DLC1: variants seen among roughly 807,000 people sequenced by gnomAD.
DLC1 encodes rho GTPase-activating protein 7.
Under a neutral mutation model 140.3 loss-of-function variants are expected in DLC1, and 54 were observed. The ratio of observed to expected loss-of-function variants is 0.38; its 90% CI spans 0.31 to 0.48. The LOEUF is 0.48. Among genes scored for constraint, DLC1 ranks in the 20% least tolerant of loss-of-function variants. DLC1 has a pLI of 0.96. For missense variants in DLC1, 2,536 were observed against 1,907.0 expected (o/e 1.33, Z -6.14); for synonymous variants, 986 against 728.1 (o/e 1.35, Z -5.70).
chr8:13,221,793 A>G (rs572944167), intron 5 of DLC1, among the ~76,000 whole-genome samples: 19 of 145,078 alleles, frequency 1.3e-4, no homozygotes, highest in African/African-American at 4.5e-4. Context: ...AAACACATCA[A>G]TATATTAATA....
chr8:13,295,938 C>CTTTTTTTTTTTTTTTTTTT (rs34697767), intron 5 of DLC1, among the ~76,000 whole-genome samples: 2 of 53,342 alleles, frequency 3.7e-5, no homozygotes, highest in Non-Finnish European at 3.7e-5. Flanking sequence ...AGATAAGATT[C>CTTTTTTTTTTTTTTTTTTT]TTTGTTTTTT....
intron 5 of DLC1, among the ~76,000 whole-genome samples, chr8:13,129,670 C>G (rs1364147581): frequency 6.6e-6 from 1 of 152,164 alleles, no homozygotes; most frequent in Non-Finnish European, 1.5e-5. Flanking sequence ...TCACCTTTCT[C>G]CCCAGGTCTG....
At chr8:13,325,567 G>GTTC (rs1563254712) in intron 4 of DLC1, among the ~76,000 whole-genome samples, 2 of 152,166 alleles carry the variant, frequency 1.3e-5, no homozygotes, top group African/African-American at 4.8e-5. Flanking sequence ...TCCTAAGGCA[G>GTTC]AGACATAAAC....
intron 4 of DLC1, among the ~76,000 whole-genome samples, chr8:13,382,050 T>A (rs1027499632): frequency 2.6e-5 from 4 of 152,044 alleles, no homozygotes; most frequent in Admixed American, 1.3e-4. Context: ...GAAAGTGTTA[T>A]TAGAAAAAGG....
In DLC1 at chr8:13,496,652, G is replaced by T. The variant is rs971060911; in HGVS notation, c.1023+2397C>A. On this transcript the variant is annotated intron_variant, in intron 2 of 17. Coordinates refer to ENST00000276297, the MANE Select transcript of DLC1 (RefSeq NM_182643.3). ...TTTGGCTGTCTATACATATTGGTCT[G>T]CTACTGTTGTTTTTCAGTACTATAT... Among the ~76,000 whole-genome samples, 4 of 151,788 alleles carry T rather than the reference G, an allele frequency of 2.6e-5. No individual in the cohort carries two copies. In the South Asian group the frequency reaches 8.3e-4, roughly 32 times the overall value.
chr8:13,246,826 T>A (rs973797375), intron 5 of DLC1, among the ~76,000 whole-genome samples: 1 of 152,118 alleles, frequency 6.6e-6, no homozygotes, highest in Non-Finnish European at 1.5e-5. Context: ...GAGACATATT[T>A]CTAATATTTG....
intron 1 of DLC1, among the ~76,000 whole-genome samples, chr8:13,533,052 G>A (rs1803153915): frequency 1.3e-5 from 2 of 152,176 alleles, no homozygotes; most frequent in African/African-American, 4.8e-5. Flanking sequence ...TAAAATGGGA[G>A]TATTATTAGT....
intron 4 of DLC1, among the ~76,000 whole-genome samples, chr8:13,327,440 C>T (rs1159397723): frequency 6.7e-6 from 1 of 148,192 alleles, no homozygotes; most frequent in Non-Finnish European, 1.5e-5. Context: ...AAGCATAAAA[C>T]ATATTTTATT....
chr8:13,259,801 T>G (rs943718712), intron 5 of DLC1, among the ~76,000 whole-genome samples: 3 of 152,164 alleles, frequency 2.0e-5, no homozygotes, highest in African/African-American at 7.2e-5. Flanking sequence ...GATGGGTTTT[T>G]TTTTTTCTGT....
intron 1 of DLC1, among the ~76,000 whole-genome samples, chr8:13,595,102 G>T (rs1402496856): frequency 6.6e-6 from 1 of 151,848 alleles, no homozygotes; most frequent in Admixed American, 6.6e-5. Context: ...AATGACCAAT[G>T]ATCACTTGTG....
chr8:13,333,620 C>T (rs1833694219), intron 4 of DLC1, among the ~76,000 whole-genome samples: 1 of 152,190 alleles, frequency 6.6e-6, no homozygotes, highest in South Asian at 2.1e-4. Flanking sequence ...AATGGCTCTC[C>T]TGCTTGTAAC....
chr8:13,552,011 A>ATGTGTGTGTATATATATATG (rs1239494863), intron 1 of DLC1, among the ~76,000 whole-genome samples: 9 of 141,270 alleles, frequency 6.4e-5, no homozygotes, highest in African/African-American at 1.8e-4. Flanking sequence ...GTGCATATAT[A>ATGTGTGTGTATATATATATG]TGTGTGTGTA....
chr8:13,434,910 G>C (rs928755195), intron 2 of DLC1, among the ~76,000 whole-genome samples: 3 of 152,024 alleles, frequency 2.0e-5, no homozygotes, highest in African/African-American at 7.2e-5. Flanking sequence ...GAACTCCTGA[G>C]CTCAAGCGAT....
At chr8:13,175,401 T>C (rs918536900) in intron 5 of DLC1, among the ~76,000 whole-genome samples, 1 of 151,260 alleles carries the variant, frequency 6.6e-6, no homozygotes, top group Non-Finnish European at 1.5e-5. Flanking sequence ...TTGTGAAAAA[T>C]GACATTTGTA....
chr8:13,431,820 G>C (rs1173711652), intron 2 of DLC1, among the ~76,000 whole-genome samples: 1 of 152,126 alleles, frequency 6.6e-6, no homozygotes, highest in Non-Finnish European at 1.5e-5. Context: ...GGCCATGAAA[G>C]TGACAGCCTC....
chr8:13,468,815 T>A (rs1238384622), intron 2 of DLC1, among the ~76,000 whole-genome samples: 1 of 51,002 alleles, frequency 2.0e-5, no homozygotes, highest in East Asian at 4.1e-4. Context: ...TGTCTGCTTT[T>A]TTTTTTTTTT....
chr8:13,186,846 A>G (rs937861182), intron 5 of DLC1, among the ~76,000 whole-genome samples: 1 of 152,098 alleles, frequency 6.6e-6, no homozygotes, highest in Non-Finnish European at 1.5e-5. Flanking sequence ...ATGTAGATGA[A>G]CTTTTTGTTG....
upstream of DLC1, among the ~76,000 whole-genome samples, chr8:13,519,527 T>G (rs1352773583): frequency 6.6e-6 from 1 of 152,226 alleles, no homozygotes; most frequent in African/African-American, 2.4e-5. Context: ...ATGCGCATGA[T>G]TAGTTTTTTG....
At chr8:13,315,657 C>G (rs1832837209) in intron 4 of DLC1, among the ~76,000 whole-genome samples, 2 of 152,154 alleles carry the variant, frequency 1.3e-5, no homozygotes, top group East Asian at 3.9e-4. Context: ...CATTGATGAC[C>G]TAAGTCCCCG....
Sources: allele counts gnomAD v4.1 joint callset (sites outside exome capture counted in the v4.1 genomes callset), GRCh38; gene constraint gnomAD v4.1.1; transcripts MANE v1.5; gene names NCBI Gene and HGNC (gene_info 2026-07-23, HGNC 2026-07-21).